Variants in HDAC9 observed in about 807,000 individuals in gnomAD.
HDAC9 encodes the protein histone deacetylase 9.
A neutral mutation model predicts 139.4 loss-of-function variants in HDAC9; 41 were observed. That is an observed-to-expected ratio of 0.29 (90% CI 0.23 to 0.38). The LOEUF is 0.38. Ranked by LOEUF, HDAC9 falls within the 10% of genes least tolerant of loss-of-function variation. The probability of loss-of-function intolerance (pLI) is 1.00; values close to 1 mark genes in which losing one functional copy is unlikely to be tolerated. For synonymous variants in HDAC9, 517 were observed against 476.2 expected (o/e 1.09, Z -1.12); for missense variants, 1,147 against 1,297.0 (o/e 0.88, Z 1.78).
At chr7:18,227,532 C>A in intron 2 of HDAC9, among the ~76,000 whole-genome samples, 1 of 151,890 alleles carries the variant, frequency 6.6e-6, no homozygotes, top group African/African-American at 2.4e-5. Flanking sequence ...TATTTAAAGG[C>A]TGGACTATTT....
intron 8 of HDAC9, among the ~76,000 whole-genome samples, chr7:18,635,663 C>G (rs1039114634): frequency 6.6e-6 from 1 of 152,052 alleles, no homozygotes; most frequent in Non-Finnish European, 1.5e-5. Flanking sequence ...GTGCATTGCT[C>G]TGTGCAAGGA....
intron 1 of HDAC9, among the ~76,000 whole-genome samples, chr7:18,110,129 G>T (rs1783510769): frequency 6.6e-6 from 1 of 152,100 alleles, no homozygotes; most frequent in South Asian, 2.1e-4. Flanking sequence ...CAAGGTGAGT[G>T]GTTTTAAAAG....
At chr7:18,625,199 A>G (rs1841338775) in intron 6 of HDAC9, among the ~76,000 whole-genome samples, 1 of 152,196 alleles carries the variant, frequency 6.6e-6, no homozygotes, top group South Asian at 2.1e-4. Flanking sequence ...ACTTCCAAGT[A>G]TAAAATTTAT....
intron 12 of HDAC9, among the ~76,000 whole-genome samples, chr7:18,713,616 G>T (rs1300890882): frequency 6.6e-6 from 1 of 151,956 alleles, no homozygotes; most frequent in Non-Finnish European, 1.5e-5. Context: ...AGGATGTAGG[G>T]CATTTATGCA....
intron 1 of HDAC9, among the ~76,000 whole-genome samples, chr7:18,383,439 G>T (rs1785618185): frequency 6.6e-6 from 1 of 152,122 alleles, no homozygotes; most frequent in Non-Finnish European, 1.5e-5. Flanking sequence ...CCCTGTTCAG[G>T]TATATGATAA....
chr7:18,693,448 G>T (rs1394081109), intron 12 of HDAC9, among the ~76,000 whole-genome samples: 1 of 152,124 alleles, frequency 6.6e-6, no homozygotes, highest in Non-Finnish European at 1.5e-5. Flanking sequence ...TATTTGGTGT[G>T]TTTGTTTAAC....
chr7:18,263,457 C>G (rs1795805425), intron 2 of HDAC9, among the ~76,000 whole-genome samples: 1 of 152,140 alleles, frequency 6.6e-6, no homozygotes. Context: ...CATTTACTGA[C>G]TCAGGCACCT....
intron 2 of HDAC9, among the ~76,000 whole-genome samples, chr7:18,563,577 T>C (rs1160497585): frequency 6.6e-6 from 1 of 152,178 alleles, no homozygotes; most frequent in Non-Finnish European, 1.5e-5. Flanking sequence ...TTTAAGGTGT[T>C]TAGCACAATA....
At chr7:18,432,187 A>G (rs1790740376) in intron 1 of HDAC9, among the ~76,000 whole-genome samples, 1 of 152,196 alleles carries the variant, frequency 6.6e-6, no homozygotes, top group Admixed American at 6.5e-5. Context: ...TATCCACTCA[A>G]CAAATGCTTA....
At chr7:18,466,952 T>C (rs1794330673) in intron 1 of HDAC9, among the ~76,000 whole-genome samples, 1 of 152,196 alleles carries the variant, frequency 6.6e-6, no homozygotes, top group Non-Finnish European at 1.5e-5. Context: ...AAAATATCTA[T>C]TCATTCTTAT....
Position 18,355,120 on chromosome 7 carries a change from G to A in HDAC9, c.-42+64605G>A, listed in dbSNP as rs7795693. Among the ~76,000 whole-genome samples the A allele has an allele frequency of 7.6e-3, 1,152 of 152,246 alleles. 15 individuals are homozygous for A. The highest frequency in any genetic ancestry group is 0.026 in the African/African-American group (1,101 of 41,550). ...CTTGGTAAAATAACTTTCACATAATGTTGATTGCAGACAGTCACCAAGGGC... is the reference window on the plus strand; with the variant it reads ...CTTGGTAAAATAACTTTCACATAATATTGATTGCAGACAGTCACCAAGGGC... On this transcript the variant is annotated intron_variant, in intron 1 of 3. Transcript: ENST00000413509.
chr7:18,238,032 C>G (rs1170790139), intron 2 of HDAC9, among the ~76,000 whole-genome samples: 1 of 152,150 alleles, frequency 6.6e-6, no homozygotes, highest in African/African-American at 2.4e-5. Flanking sequence ...TCCTTCCATG[C>G]TATTTTAGCA....
chr7:18,666,250 G>A lies in HDAC9; in HGVS notation c.1505G>A (p.Gly502Asp), dbSNP rs748373207. 3 of 1,613,196 alleles carry A rather than the reference G, an allele frequency of 1.9e-6. No homozygotes were observed. The highest frequency in any genetic ancestry group is 2.5e-6 in the Non-Finnish European group (3 of 1,179,434). The stretch of plus-strand genomic sequence containing the variant: ...TCTATTGAACAACTGAAGCAACCAG[G>A]CAGTCACCTTGAGGAAGCAGAGGAA... ...SKSIEQLKQP[G>D]SHLEEAEEEL... Residue 502 changes from glycine (G) to aspartate (D), a missense_variant, in exon 12 of 26, where the codon GGC becomes GAC. By Grantham distance (94) the Gly-to-Asp change is moderately conservative. This residue lies in a region of HDAC9 where 256 missense variants were observed against 219.2 expected (regional missense o/e 1.17). Transcript: ENST00000686413.
intron 8 of HDAC9, 92 bp downstream of exon 8, chr7:18,634,834 C>A (rs968584576): frequency 6.7e-6 from 5 of 742,598 alleles, no homozygotes; most frequent in Non-Finnish European, 1.1e-5. Flanking sequence ...CCTTCAATAT[C>A]CAAATGATAT....
In HDAC9 at chr7:18,123,349, C is replaced by T. The variant is rs561808643; in HGVS notation, c.-97+36136C>T. The stretch of plus-strand genomic sequence containing the variant: ...TTTTAATTATAAACAAATATGTAAC[C>T]CCCCGATTTAAAACAGGTGGCATTC... On this transcript the variant is annotated intron_variant, in intron 1 of 12. Transcript: ENST00000417496. Among the ~76,000 whole-genome samples the T allele has an allele frequency of 4.6e-5, 7 of 152,194 alleles. No homozygotes were observed. In the East Asian group the frequency reaches 1.4e-3, roughly 29 times the overall value.
intron 2 of HDAC9, among the ~76,000 whole-genome samples, chr7:18,573,770 G>T (rs927813061): frequency 6.6e-6 from 1 of 152,192 alleles, no homozygotes; most frequent in South Asian, 2.1e-4. Flanking sequence ...GGGCATCCGT[G>T]TCTGGATGAG....
At chr7:18,919,995 C>A (rs975027583) in intron 22 of HDAC9, among the ~76,000 whole-genome samples, 33 of 152,080 alleles carry the variant, frequency 2.2e-4, no homozygotes, top group Non-Finnish European at 1.3e-4. Context: ...TTTTTGGTTC[C>A]ATATGAACTT....
At chr7:18,411,060 C>G (rs962299905) in intron 1 of HDAC9, among the ~76,000 whole-genome samples, 2 of 152,200 alleles carry the variant, frequency 1.3e-5, no homozygotes, top group Non-Finnish European at 2.9e-5. Flanking sequence ...ATTTGTAGCA[C>G]AGGCTTGTCT....
At chr7:18,834,440 A>G (rs1796077365) in intron 19 of HDAC9, among the ~76,000 whole-genome samples, 1 of 150,320 alleles carries the variant, frequency 6.7e-6, no homozygotes, top group African/African-American at 2.5e-5. Flanking sequence ...TATTAGTTCT[A>G]TTGACTTTTT....
Sources: gnomAD v4.1 joint callset for allele counts (sites outside exome capture counted in the v4.1 genomes callset) on GRCh38, gnomAD v4.1.1 for gene constraint, gnomAD v4.1.1 regional missense constraint, MANE v1.5 for transcripts, NCBI Gene and HGNC (gene_info 2026-07-23, HGNC 2026-07-21) for gene names.